The following WDFY3 variants were observed in gnomAD, a reference collection of about 807,000 sequenced individuals.
The protein encoded by WDFY3 is WD repeat and FYVE domain-containing protein 3.
A neutral mutation model predicts 409.6 loss-of-function variants in WDFY3; 66 were observed. That is an observed-to-expected ratio of 0.16 (90% CI 0.13 to 0.20). WDFY3 has a LOEUF of 0.20. Among genes scored for constraint, WDFY3 ranks in the 10% least tolerant of loss-of-function variants. The pLI is 1.00. For missense variants in WDFY3, 3,031 were observed against 4,298.1 expected (o/e 0.71, Z 8.24); for synonymous variants, 1,521 against 1,537.1 (o/e 0.99, Z 0.25).
intron 1 of WDFY3, among the ~76,000 whole-genome samples, chr4:84,936,739 C>T (rs201920415): frequency 1.3e-5 from 2 of 151,492 alleles, no homozygotes; most frequent in African/African-American, 4.8e-5. Context: ...ATGCATCATA[C>T]AAGAAAAAAA....
intron 67 of WDFY3, among the ~76,000 whole-genome samples, chr4:84,675,132 T>A (rs1726054616): frequency 6.6e-6 from 1 of 151,920 alleles, no homozygotes; most frequent in Non-Finnish European, 1.5e-5. Flanking sequence ...ATTTTTGTAT[T>A]TTTAGTACAG....
At chr4:84,749,862 C>T (rs1018301394) in intron 36 of WDFY3, among the ~76,000 whole-genome samples, 4 of 151,986 alleles carry the variant, frequency 2.6e-5, no homozygotes, top group Admixed American at 1.3e-4. Flanking sequence ...AAATTCATGC[C>T]CACAACAAAG....
intron 3 of WDFY3, among the ~76,000 whole-genome samples, chr4:84,876,767 T>G (rs1414531422): frequency 2.0e-5 from 3 of 152,094 alleles, no homozygotes; most frequent in Admixed American, 6.5e-5. Flanking sequence ...GAGTTCTGGG[T>G]GTGTATTTTA....
intron 46 of WDFY3, 34 bp from the exon 47 acceptor site, chr4:84,721,606 T>A (rs1734864250): frequency 1.3e-6 from 2 of 1,597,314 alleles, no homozygotes; most frequent in Non-Finnish European, 1.7e-6. Context: ...CCATGTGGCA[T>A]TGTAAGGACC....
intron 2 of WDFY3, among the ~76,000 whole-genome samples, chr4:84,931,995 G>T (rs547295491): frequency 2.3e-3 from 347 of 152,256 alleles, no homozygotes; most frequent in African/African-American, 7.9e-3. Context: ...TTCATCATCT[G>T]TAGGTACCTA....
At chr4:84,962,372 G>A (rs1293472647) in intron 1 of WDFY3, among the ~76,000 whole-genome samples, 3 of 151,846 alleles carry the variant, frequency 2.0e-5, no homozygotes, top group South Asian at 2.1e-4. Context: ...CAAGCATTAC[G>A]CTAAGTGCAA....
rs956203657 is a variant in WDFY3, at chr4:84,727,237, TA to T, written c.7222-327del. On this transcript the variant is annotated intron_variant, in intron 44 of 67. Coordinates refer to ENST00000295888, the MANE Select transcript of WDFY3 (RefSeq NM_014991.6). ...TTTACAGGCAACTCTTTACATTGTT[TA>T]AAAAAAAAAACAAAAAACAAAAAAC... Among the ~76,000 whole-genome samples, 1,281 of 145,084 alleles carry T rather than the reference TA, an allele frequency of 8.8e-3. 22 individuals carry two copies. Among genetic ancestry groups the T allele is most frequent in the African/African-American group, 0.03 (1,200 of 39,778 alleles).
intron 15 of WDFY3, 88 bp from the exon 16 acceptor site, chr4:84,803,555 AG>A: frequency 2.8e-6 from 4 of 1,407,262 alleles, no homozygotes; most frequent in Non-Finnish European, 3.8e-6. Context: ...ATAACCAAAA[AG>A]CCTTGTTAGA....
chr4:84,957,669 C>G (rs1353444115), intron 1 of WDFY3, among the ~76,000 whole-genome samples: 1 of 152,162 alleles, frequency 6.6e-6, no homozygotes, highest in Non-Finnish European at 1.5e-5. Flanking sequence ...AGGCCTGATA[C>G]TTTTAGACTC....
At chr4:84,955,507 C>T (rs2151156956) in intron 1 of WDFY3, among the ~76,000 whole-genome samples, 1 of 152,162 alleles carries the variant, frequency 6.6e-6, no homozygotes, top group South Asian at 2.1e-4. Context: ...GACAAAAATA[C>T]CAACATTCTT....
chr4:84,866,976 C>G (rs115012152), intron 3 of WDFY3, among the ~76,000 whole-genome samples: 1,701 of 152,268 alleles, frequency 0.011, 27 homozygotes, highest in African/African-American at 0.039. Flanking sequence ...AAAGAATAGG[C>G]ACTTATCAAA....
At chr4:84,860,220 A>C (rs1760412610) in intron 4 of WDFY3, among the ~76,000 whole-genome samples, 192 bp downstream of exon 4, 1 of 152,214 alleles carries the variant, frequency 6.6e-6, no homozygotes, top group Non-Finnish European at 1.5e-5. Flanking sequence ...CACTAAATGT[A>C]GTTTATTCTG....
rs1253428422 is a variant in WDFY3, at chr4:84,672,912, A to C, written c.10537T>G (p.Leu3513Val). ...VRVCQNCYYNLQHERGSEDGP... is the reference protein window; with the variant it reads ...VRVCQNCYYNVQHERGSEDGP... ...TCTTCTGAACCTCTCTCATGCTGTA[A>C]GTTATAATAACAGTTCTGACAAACA... Residue 3513 changes from leucine (L) to valine (V), a missense_variant, in exon 68 of 68, where the codon TTA becomes GTA. Coordinates refer to ENST00000295888, the MANE Select transcript of WDFY3 (RefSeq NM_014991.6). The C allele has an allele frequency of 1.2e-6, 2 of 1,611,386 alleles. No homozygotes were observed. The highest frequency in any genetic ancestry group is 1.7e-6 in the Non-Finnish European group (2 of 1,178,600).
At chr4:84,806,388 G>A (rs899201438) in intron 15 of WDFY3, among the ~76,000 whole-genome samples, 1 of 152,104 alleles carries the variant, frequency 6.6e-6, no homozygotes, top group African/African-American at 2.4e-5. Context: ...ATGTCAACTT[G>A]TAAGACTCAT....
chr4:84,775,164 A>G (rs1745337699), intron 27 of WDFY3, 26 bp from the exon 28 acceptor site: 3 of 1,600,034 alleles, frequency 1.9e-6, no homozygotes, highest in Non-Finnish European at 2.6e-6. Flanking sequence ...ACAGTAGTAT[A>G]TTTAAGGTTA....
intron 7 of WDFY3, among the ~76,000 whole-genome samples, chr4:84,836,601 GA>G (rs1355361456): frequency 6.6e-6 from 1 of 151,792 alleles, no homozygotes; most frequent in South Asian, 2.1e-4. Context: ...GACATTATAA[GA>G]AATATTATCC....
In WDFY3 at chr4:84,733,474, G is replaced by C; in HGVS notation, c.7129C>G (p.Pro2377Ala). Reference protein sequence around the residue: ...DKWMLEMTEGPCRMRKKMVRN... With the variant: ...DKWMLEMTEGACRMRKKMVRN... ...ACCATCTTTTTCCTCATCCTGCAGG[G>C]CCCTTCTGTCATCTCCAGCATCCAC... Residue 2377 changes from proline to alanine, a missense_variant, in exon 44 of 68, where the codon CCC (proline) becomes GCC (alanine). By Grantham distance (27) the Pro-to-Ala change is conservative (BLOSUM62 -1). Around this residue, in one of 16 missense-constraint regions of WDFY3, gnomAD observed 98 missense variants for 194.9 expected, o/e 0.50. Coordinates refer to ENST00000295888, the MANE Select transcript of WDFY3 (RefSeq NM_014991.6). The C allele has an allele frequency of 6.2e-7, 1 of 1,613,832 alleles. No individual in the cohort carries two copies. The highest frequency in any genetic ancestry group is 8.5e-7 in the Non-Finnish European group (1 of 1,179,992).
chr4:84,950,166 C>A (rs546858555), intron 1 of WDFY3, among the ~76,000 whole-genome samples: 1 of 151,980 alleles, frequency 6.6e-6, no homozygotes, highest in African/African-American at 2.4e-5. Flanking sequence ...CCAAACACCA[C>A]ATGTTCTCAT....
chr4:84,693,184 A>G, intron 58 of WDFY3, 152 bp from the exon 59 acceptor site: 1 of 836,542 alleles, frequency 1.2e-6, no homozygotes, highest in Admixed American at 3.4e-5. Flanking sequence ...AAAGAGATTC[A>G]AAGACGCTAT....
Sources: allele counts gnomAD v4.1 joint callset (sites outside exome capture counted in the v4.1 genomes callset), GRCh38; gene constraint gnomAD v4.1.1; regional missense constraint gnomAD v4.1.1; transcripts MANE v1.5; gene names NCBI Gene and HGNC (gene_info 2026-07-23, HGNC 2026-07-21).